Variants in ANK2 observed in about 807,000 individuals in gnomAD.
ANK2 encodes the protein ankyrin-2.
In ANK2, 83 loss-of-function variants were observed where a neutral mutation model predicts 360.5. The observed-to-expected ratio is 0.23, with a 90% CI of 0.19 to 0.28. ANK2 has a LOEUF of 0.28. Among genes scored for constraint, ANK2 ranks in the 10% least tolerant of loss-of-function variants. The pLI, the probability that ANK2 is intolerant of heterozygous loss-of-function variation, is 1.00. For missense variants in ANK2, 4,201 were observed against 4,795.7 expected, an observed-to-expected ratio of 0.88 and a Z score of 3.66; for synonymous variants, 1,740 against 1,759.5, an observed-to-expected ratio of 0.99 and a Z score of 0.28.
chr4:113,248,451 A>C (rs1336696369), intron 9 of ANK2, among the ~76,000 whole-genome samples: 2 of 152,190 alleles, frequency 1.3e-5, no homozygotes, highest in African/African-American at 4.8e-5. Context: ...CGGATTTGGG[A>C]GGTCTCTCGA....
At chr4:113,320,167 A>T (rs2085282376) in intron 26 of ANK2, among the ~76,000 whole-genome samples, 1 of 152,228 alleles carries the variant, frequency 6.6e-6, no homozygotes, top group African/African-American at 2.4e-5. Context: ...TACACCTATA[A>T]GTAATTATGG....
At chr4:113,136,711 A>G (rs1429423089) in intron 1 of ANK2, among the ~76,000 whole-genome samples, 1 of 151,814 alleles carries the variant, frequency 6.6e-6, no homozygotes, top group African/African-American at 2.4e-5. Flanking sequence ...AACTGGGGAA[A>G]GAAAGATCAG....
At chr4:113,174,877 G>A (rs931350806) in intron 2 of ANK2, among the ~76,000 whole-genome samples, 2 of 151,944 alleles carry the variant, frequency 1.3e-5, no homozygotes, top group South Asian at 2.1e-4. Flanking sequence ...CTTTACTCAT[G>A]GGAAACTGAT....
chr4:112,844,869 GA>G (rs1330578083), intron 1 of ANK2, among the ~76,000 whole-genome samples: 2 of 152,146 alleles, frequency 1.3e-5, no homozygotes, highest in Admixed American at 6.6e-5. Context: ...GCTATTCCTA[GA>G]ACCAGAATCA....
intron 2 of ANK2, among the ~76,000 whole-genome samples, chr4:112,992,999 G>T (rs1007476490): frequency 6.6e-6 from 1 of 152,048 alleles, no homozygotes; most frequent in African/African-American, 2.4e-5. Flanking sequence ...TATTTAGTGT[G>T]GGGCCTGACA....
chr4:113,365,010 T>C (rs1281555129), intron 40 of ANK2, 29 bp from the exon 41 acceptor site: 6 of 1,613,310 alleles, frequency 3.7e-6, no homozygotes, highest in Non-Finnish European at 5.1e-6. Context: ...CTCTCAGACA[T>C]AATAAATGCT....
intron 1 of ANK2, among the ~76,000 whole-genome samples, chr4:113,057,034 C>T (rs2070348971): frequency 6.6e-6 from 1 of 152,116 alleles, no homozygotes; most frequent in South Asian, 2.1e-4. Flanking sequence ...TGGGAAAGTT[C>T]CCCCAATTCA....
At chr4:113,189,900 T>C (rs1002214976) in intron 2 of ANK2, among the ~76,000 whole-genome samples, 1 of 152,114 alleles carries the variant, frequency 6.6e-6, no homozygotes, top group African/African-American at 2.4e-5. Flanking sequence ...TTAAGATGGG[T>C]TCATTGAAAT....
At chr4:112,897,082 C>G (rs960016196) in intron 1 of ANK2, among the ~76,000 whole-genome samples, 1 of 152,100 alleles carries the variant, frequency 6.6e-6, no homozygotes, top group Non-Finnish European at 1.5e-5. Flanking sequence ...CTCTTACAGC[C>G]GAGGTTAGAG....
At chr4:112,945,758 C>CT (rs772007073) in intron 2 of ANK2, among the ~76,000 whole-genome samples, 24 of 152,164 alleles carry the variant, frequency 1.6e-4, no homozygotes, top group Non-Finnish European at 3.2e-4. Flanking sequence ...TGATGGTTGT[C>CT]TTATAATGCC....
chr4:113,099,237 G>A (rs746522917), intron 1 of ANK2, among the ~76,000 whole-genome samples: 2 of 146,468 alleles, frequency 1.4e-5, no homozygotes, highest in African/African-American at 5.1e-5. Flanking sequence ...TGGCATAATT[G>A]TCTATGTAGA....
intron 1 of ANK2, among the ~76,000 whole-genome samples, chr4:112,825,553 A>G (rs1363141893): frequency 6.6e-6 from 1 of 152,178 alleles, no homozygotes; most frequent in Non-Finnish European, 1.5e-5. Context: ...CAATAATACT[A>G]CCAATACTAC....
chr4:113,356,918 A>G lies in ANK2; in HGVS notation c.8300A>G (p.Asp2767Gly). Residue 2767 changes from aspartate to glycine, a missense_variant, in exon 38 of 46, where the codon GAT becomes GGT. Physicochemically the swap from Asp to Gly is moderately conservative, Grantham distance 94 (BLOSUM62 -1). Transcript: ENST00000357077. ...TATGATAAGCTAAACAGAGACACTG[A>G]TCAGCCAAAAATCTGTGATGGCCAT... ...RSYDKLNRDT[D>G]QPKICDGHGC... The G allele has an allele frequency of 6.2e-7, 1 of 1,614,090 alleles. No homozygotes were observed. The highest frequency in any genetic ancestry group is 8.5e-7 in the Non-Finnish European group (1 of 1,179,986).
At chr4:113,305,547 AATG>A (rs1166543251) in intron 23 of ANK2, among the ~76,000 whole-genome samples, 1 of 152,180 alleles carries the variant, frequency 6.6e-6, no homozygotes. Flanking sequence ...GCCAAAACTT[AATG>A]ATATTTCTTT....
At chr4:112,934,044 T>G (rs551392237) in intron 2 of ANK2, among the ~76,000 whole-genome samples, 1 of 152,236 alleles carries the variant, frequency 6.6e-6, no homozygotes, top group Non-Finnish European at 1.5e-5. Context: ...AAGGAAGATT[T>G]GTGAAAGGGT....
chr4:112,799,793 C>T, the ANK2 span, among the ~76,000 whole-genome samples: 15 of 148,112 alleles, frequency 1.0e-4, no homozygotes, highest in East Asian at 9.9e-4. Flanking sequence ...GCTGGGATTA[C>T]AGGAGTGAGC....
chr4:112,926,329 T>C (rs1327401361), intron 2 of ANK2, among the ~76,000 whole-genome samples: 1 of 152,190 alleles, frequency 6.6e-6, no homozygotes, highest in East Asian at 1.9e-4. Context: ...TTAAAATTGG[T>C]AAAATATTTC....
the ANK2 span, among the ~76,000 whole-genome samples, chr4:112,738,091 A>C: frequency 6.6e-6 from 1 of 152,212 alleles, no homozygotes; most frequent in South Asian, 2.1e-4. Context: ...CCAGGTTTAT[A>C]GTAGGCACTG....
chr4:112,870,147 C>T (rs919595557), intron 1 of ANK2, among the ~76,000 whole-genome samples: 2 of 151,722 alleles, frequency 1.3e-5, no homozygotes, highest in African/African-American at 2.4e-5. Flanking sequence ...TACAGGTGCC[C>T]GCCACCACAC....
Sources: allele counts gnomAD v4.1 joint callset (sites outside exome capture counted in the v4.1 genomes callset), GRCh38; gene constraint gnomAD v4.1.1; transcripts MANE v1.5; gene names NCBI Gene and HGNC (gene_info 2026-07-23, HGNC 2026-07-21).